PAPSS1: variants seen among roughly 807,000 people sequenced by gnomAD.
The protein encoded by PAPSS1 is 3'-phosphoadenosine 5'-phosphosulfate synthase 1.
Under a neutral mutation model 72.0 loss-of-function variants are expected in PAPSS1, and 50 were observed. That is an observed-to-expected ratio of 0.69 (90% CI 0.55 to 0.88). PAPSS1 has a LOEUF of 0.88. Among genes scored for constraint, PAPSS1 ranks in the 40% least tolerant of loss-of-function variants. The probability of loss-of-function intolerance (pLI) is 0.00; values close to 1 mark genes in which losing one functional copy is unlikely to be tolerated. For missense variants in PAPSS1, 657 were observed against 782.2 expected (o/e 0.84, Z 1.91); for synonymous variants, 261 against 263.6 (o/e 0.99, Z 0.09).
At chr4:107,641,937 C>A (rs138870002) in intron 10 of PAPSS1, among the ~76,000 whole-genome samples, 1 of 152,262 alleles carries the variant, frequency 6.6e-6, no homozygotes, top group East Asian at 1.9e-4. Flanking sequence ...ATATTAATTA[C>A]CACATCTTGT....
At chr4:107,705,777 T>C (rs568848486) in intron 1 of PAPSS1, among the ~76,000 whole-genome samples, 27 of 152,396 alleles carry the variant, frequency 1.8e-4, no homozygotes, top group Non-Finnish European at 3.5e-4. Flanking sequence ...GTGAGTTTTA[T>C]ACTTTCATGT....
chr4:107,667,854 T>C (rs893367649), intron 5 of PAPSS1, among the ~76,000 whole-genome samples: 3 of 152,208 alleles, frequency 2.0e-5, no homozygotes, highest in African/African-American at 7.2e-5. Flanking sequence ...AGAACAAGCA[T>C]TTCACACTAG....
chr4:107,659,978 G>C lies in PAPSS1; in HGVS notation c.764C>G (p.Pro255Arg). The part of the protein sequence containing the change: ...HLAKTDAETL[P>R]ALKINKVDMQ... The stretch of plus-strand genomic sequence containing the variant: ...ACTTACTTTATTAATTTTCAGTGCT[G>C]GTAATGTTTCCGCATCTGTTTTTGC... Residue 255 changes from proline (P) to arginine (R), a missense_variant, in exon 6 of 12, where the codon CCA (proline) becomes CGA (arginine). Pro to Arg is a moderately radical substitution (Grantham distance 103). Transcript: ENST00000265174. 6.3e-7 allele frequency: 1 copy of C among 1,594,676 alleles called. No homozygotes were observed. Among genetic ancestry groups the C allele is most frequent in the Non-Finnish European group, 8.6e-7 (1 of 1,164,272 alleles).
chr4:107,615,552 A>C (rs1029848596), intron 11 of PAPSS1, among the ~76,000 whole-genome samples: 3 of 152,234 alleles, frequency 2.0e-5, no homozygotes, highest in African/African-American at 7.2e-5. Context: ...ATTATGCCTA[A>C]GACAGCTATA....
intron 5 of PAPSS1, among the ~76,000 whole-genome samples, chr4:107,669,026 T>C (rs1187541899): frequency 3.9e-5 from 6 of 152,178 alleles, no homozygotes; most frequent in Admixed American, 3.9e-4. Flanking sequence ...ACTTGATATA[T>C]TCATCCCCTT....
At chr4:107,686,410 A>ATTTG (rs1269559602) in intron 4 of PAPSS1, among the ~76,000 whole-genome samples, 1 of 152,218 alleles carries the variant, frequency 6.6e-6, no homozygotes, top group Non-Finnish European at 1.5e-5. Flanking sequence ...GTTATACTAT[A>ATTTG]TTTGTTATTT....
intron 11 of PAPSS1, among the ~76,000 whole-genome samples, chr4:107,627,402 C>G (rs922689316): frequency 5.3e-5 from 8 of 152,172 alleles, no homozygotes; most frequent in Non-Finnish European, 1.0e-4. Context: ...CCCTTATACA[C>G]AAACTAAATA....
At chr4:107,692,220 G>A (rs1193773907) in intron 3 of PAPSS1, among the ~76,000 whole-genome samples, 3 of 152,038 alleles carry the variant, frequency 2.0e-5, no homozygotes, top group South Asian at 2.1e-4. Flanking sequence ...AAGAGCTTCT[G>A]CACAGAAAAA....
At chr4:107,675,282 C>T (rs1727608566) in intron 5 of PAPSS1, among the ~76,000 whole-genome samples, 1 of 151,946 alleles carries the variant, frequency 6.6e-6, no homozygotes, top group South Asian at 2.1e-4. Flanking sequence ...ATTGATAGAC[C>T]ACTAACAAGA....
chr4:107,637,078 G>A (rs1408328001), intron 10 of PAPSS1, among the ~76,000 whole-genome samples: 4 of 152,102 alleles, frequency 2.6e-5, no homozygotes, highest in Non-Finnish European at 5.9e-5. Flanking sequence ...ATCCATCATA[G>A]GTTAAGATAC....
intron 11 of PAPSS1, among the ~76,000 whole-genome samples, chr4:107,621,605 T>A (rs1725954982): frequency 7.3e-6 from 1 of 137,520 alleles, no homozygotes; most frequent in Non-Finnish European, 1.5e-5. Flanking sequence ...ACAGGTTTTT[T>A]ATCTTTTTTT....
chr4:107,660,552 T>A (rs1727150082), intron 5 of PAPSS1, among the ~76,000 whole-genome samples: 1 of 152,168 alleles, frequency 6.6e-6, no homozygotes, highest in Non-Finnish European at 1.5e-5. Flanking sequence ...ACCACTGTGG[T>A]TTGAAAATCA....
At position 107,719,935 on chromosome 4, in the gene PAPSS1, G is replaced by C. The variant is rs1050487289; in HGVS notation, c.60+185C>G. On this transcript the variant is annotated intron_variant, in intron 1 of 11. Coordinates refer to ENST00000265174, the MANE Select transcript of PAPSS1 (RefSeq NM_005443.5). ...CAAGCTAGGGCGAGATCCCCACCCT[G>C]CGCCGCGCCCCTCTGCCTCGCAACC... The C allele has an allele frequency of 2.9e-6, 4 of 1,381,874 alleles. No homozygotes were observed. In the African/African-American group the frequency reaches 6.1e-5, roughly 21 times the overall value. The allele number at this position is 1,381,874 out of a possible 1,614,324, so 85.6% of individuals were successfully genotyped here.
intron 3 of PAPSS1, among the ~76,000 whole-genome samples, chr4:107,687,902 G>C (rs1201110754): frequency 6.6e-6 from 1 of 150,628 alleles, no homozygotes; most frequent in Non-Finnish European, 1.5e-5. Context: ...TTTAGCATTT[G>C]CCATCTTCCT....
chr4:107,675,338 A>C (rs1727610683), intron 5 of PAPSS1, among the ~76,000 whole-genome samples: 2 of 152,196 alleles, frequency 1.3e-5, no homozygotes, highest in South Asian at 4.1e-4. Context: ...TGCAATAAAA[A>C]ATGATAAAGG....
chr4:107,685,703 G>T (rs1722765774), intron 4 of PAPSS1, among the ~76,000 whole-genome samples: 1 of 152,172 alleles, frequency 6.6e-6, no homozygotes, highest in African/African-American at 2.4e-5. Flanking sequence ...CCTTGCCCAT[G>T]GAACTAATGC....
intron 2 of PAPSS1, among the ~76,000 whole-genome samples, chr4:107,694,753 T>C (rs1375207585): frequency 6.6e-6 from 1 of 152,216 alleles, no homozygotes; most frequent in African/African-American, 2.4e-5. Context: ...TAGAACACCC[T>C]CATTTCAACT....
chr4:107,719,724 C>G (rs2522434), intron 1 of PAPSS1: 769,833 of 846,510 alleles, frequency 0.91, 350,407 homozygotes, highest in South Asian at 0.94. Flanking sequence ...CTTCTCTGCA[C>G]ATCTTCAGGC....
chr4:107,649,761 TTA>T (rs1317358596), intron 9 of PAPSS1, among the ~76,000 whole-genome samples: 1 of 152,264 alleles, frequency 6.6e-6, no homozygotes, highest in Non-Finnish European at 1.5e-5. Context: ...TTTCTCAGAT[TTA>T]TTAACACTGT....
Sources: allele counts gnomAD v4.1 joint callset (sites outside exome capture counted in the v4.1 genomes callset), GRCh38; gene constraint gnomAD v4.1.1; transcripts MANE v1.5; gene names NCBI Gene and HGNC (gene_info 2026-07-23, HGNC 2026-07-21).